NRXN3: variants seen among roughly 807,000 people sequenced by gnomAD.
NRXN3 encodes neurexin 3.
A neutral mutation model predicts 137.6 loss-of-function variants in NRXN3; 32 were observed. The observed-to-expected ratio is 0.23, with a 90% CI of 0.18 to 0.31. The LOEUF (loss-of-function observed/expected upper bound fraction) is 0.31. Ranked by LOEUF, NRXN3 falls within the 10% of genes least tolerant of loss-of-function variation. The pLI, the probability that NRXN3 is intolerant of heterozygous loss-of-function variation, is 1.00. For synonymous variants in NRXN3, 798 were observed against 784.5 expected, an observed-to-expected ratio of 1.02 and a Z score of -0.29; for missense variants, 1,574 against 2,062.5, an observed-to-expected ratio of 0.76 and a Z score of 4.59.
chr14:78,740,739 A>C (rs1328379320), intron 8 of NRXN3, among the ~76,000 whole-genome samples: 1 of 152,084 alleles, frequency 6.6e-6, no homozygotes, highest in Non-Finnish European at 1.5e-5. Context: ...TACACAGCTC[A>C]ATCTTATAAA....
chr14:78,445,980 T>C (rs1047122241), intron 4 of NRXN3, among the ~76,000 whole-genome samples: 3 of 152,074 alleles, frequency 2.0e-5, no homozygotes, highest in Non-Finnish European at 4.4e-5. Flanking sequence ...AAAGTGTGAG[T>C]GGCAGGCAAG....
At chr14:78,441,356 A>AT (rs2153696575) in intron 4 of NRXN3, among the ~76,000 whole-genome samples, 1 of 151,940 alleles carries the variant, frequency 6.6e-6, no homozygotes, top group Admixed American at 6.6e-5. Flanking sequence ...CTTCATCAGA[A>AT]TTTTCTTCCC....
intron 1 of NRXN3, among the ~76,000 whole-genome samples, chr14:78,202,051 A>G (rs2061732359): frequency 6.6e-6 from 1 of 152,192 alleles, no homozygotes; most frequent in African/African-American, 2.4e-5. Context: ...GCAGCCCAGA[A>G]TGAAAGCAGT....
intron 4 of NRXN3, among the ~76,000 whole-genome samples, chr14:78,595,572 C>T (rs1188034343): frequency 1.3e-5 from 2 of 152,168 alleles, no homozygotes; most frequent in Non-Finnish European, 2.9e-5. Context: ...TCCTCCAAAT[C>T]ACACTGGCTA....
intron 4 of NRXN3, among the ~76,000 whole-genome samples, chr14:78,438,362 C>G (rs1366068437): frequency 3.9e-5 from 6 of 152,132 alleles, no homozygotes; most frequent in Non-Finnish European, 5.9e-5. Context: ...CCTGTCAACA[C>G]TAGGGGTGGT....
At chr14:79,069,005 G>A (rs1010509879) in intron 15 of NRXN3, among the ~76,000 whole-genome samples, 4 of 152,046 alleles carry the variant, frequency 2.6e-5, no homozygotes, top group Admixed American at 6.6e-5. Flanking sequence ...TTGTATTCTA[G>A]GGATTATAAC....
intron 15 of NRXN3, among the ~76,000 whole-genome samples, chr14:79,225,615 T>C (rs1024848405): frequency 5.3e-5 from 8 of 152,268 alleles, no homozygotes; most frequent in African/African-American, 1.9e-4. Flanking sequence ...CTAAAACTAG[T>C]GCAACACTTT....
rs115957474 is a variant in NRXN3 at position 78,503,175 on chromosome 14, A to G, written c.758-141945A>G. On this transcript the variant is annotated intron_variant, in intron 4 of 20. Coordinates refer to ENST00000335750, the MANE Select transcript of NRXN3 (RefSeq NM_001330195.2). ...TTTAGTTAGTAGCAAATCCTGGCAC[A>G]TTAGCATAATACCTAAGGGCAAAAT... 5.9e-3 allele frequency among the ~76,000 whole-genome samples: 901 copies of G among 152,324 alleles called. 5 individuals carry two copies. The highest frequency in any genetic ancestry group is 0.02 in the African/African-American group (831 of 41,588).
chr14:79,178,567 C>T (rs1332227368), intron 15 of NRXN3, among the ~76,000 whole-genome samples: 3 of 152,068 alleles, frequency 2.0e-5, no homozygotes, highest in African/African-American at 7.2e-5. Flanking sequence ...TAATTTATTG[C>T]TAGTTTTTAC....
In NRXN3 at chr14:78,253,508, T is replaced by C. The variant is rs374552587; in HGVS notation, c.709+9706T>C. ...GGGCAACATAGCGAGACATCATCTGTACAAATAATTAAAAAAATTAGCCAG... is the reference window on the plus strand; with the variant it reads ...GGGCAACATAGCGAGACATCATCTGCACAAATAATTAAAAAAATTAGCCAG... On this transcript the variant is annotated intron_variant, in intron 2 of 20. Transcript: ENST00000335750. Among the ~76,000 whole-genome samples the C allele has an allele frequency of 9.7e-4, 148 of 152,050 alleles. 1 individual carries two copies. Among genetic ancestry groups the C allele is most frequent in the African/African-American group, 3.5e-3 (145 of 41,476 alleles).
At chr14:79,803,240 C>G (rs559132389) in intron 19 of NRXN3, among the ~76,000 whole-genome samples, 6 of 151,972 alleles carry the variant, frequency 3.9e-5, no homozygotes, top group African/African-American at 1.4e-4. Context: ...CCTAGGATGT[C>G]TATTTAAAAA....
intron 20 of NRXN3, among the ~76,000 whole-genome samples, chr14:79,808,251 A>ATATATAT (rs1195356128): frequency 1.9e-4 from 26 of 133,762 alleles, no homozygotes; most frequent in African/African-American, 7.7e-4. Context: ...AAAAAAAAAA[A>ATATATAT]AAAAATATAT....
rs370671870 is a variant in NRXN3 at position 79,435,864 on chromosome 14, A to T, written c.3263-31357A>T. ...GCCCAGGCTGGTCTCAAACTCTCGG[A>T]CTGAAGGGATCCTCACACCTCGGCC... On this transcript the variant is annotated intron_variant, in intron 15 of 20. Transcript: ENST00000335750. Among the ~76,000 whole-genome samples the T allele has an allele frequency of 2.0e-5, 3 of 152,132 alleles. No homozygotes were observed. The South Asian group carries it at 6.2e-4, about 32-fold the overall frequency.
At chr14:78,587,940 T>G (rs934118689) in intron 4 of NRXN3, among the ~76,000 whole-genome samples, 9 of 152,208 alleles carry the variant, frequency 5.9e-5, no homozygotes, top group Non-Finnish European at 1.2e-4. Context: ...ATATCCAGTA[T>G]TATCCCCATC....
At chr14:78,302,162 T>A (rs1367219175) in intron 4 of NRXN3, among the ~76,000 whole-genome samples, 1 of 152,188 alleles carries the variant, frequency 6.6e-6, no homozygotes, top group African/African-American at 2.4e-5. Flanking sequence ...TACATTAGAT[T>A]CAGTCTCTGT....
rs139758758 is a variant in NRXN3 at position 78,316,626 on chromosome 14, C to T, written c.757+18766C>T. Among the ~76,000 whole-genome samples, 914 of 152,266 alleles carry T rather than the reference C, an allele frequency of 6.0e-3. 10 individuals are homozygous for T. Among genetic ancestry groups the T allele is most frequent in the African/African-American group, 0.02 (812 of 41,532 alleles). On this transcript the variant is annotated intron_variant, in intron 4 of 20. Coordinates refer to ENST00000335750, the MANE Select transcript of NRXN3 (RefSeq NM_001330195.2). ...ATTTTGGTGAGACATTCCCTTTCTTCCCAGCAGAGAATGATTTATTTATTT... is the reference window on the plus strand; with the variant it reads ...ATTTTGGTGAGACATTCCCTTTCTTTCCAGCAGAGAATGATTTATTTATTT...
chr14:79,614,387 T>C (rs57933536), intron 16 of NRXN3, among the ~76,000 whole-genome samples: 1 of 73,282 alleles, frequency 1.4e-5, no homozygotes, highest in South Asian at 3.5e-4. Flanking sequence ...TTCATGAACT[T>C]TTTTTTTTCC....
chr14:79,135,460 T>C (rs535687844), intron 15 of NRXN3, among the ~76,000 whole-genome samples: 1 of 152,268 alleles, frequency 6.6e-6, no homozygotes, highest in Admixed American at 6.5e-5. Context: ...CCAACAGTGG[T>C]CCTACTATCC....
chr14:79,698,439 GT>G (rs1282738611), intron 19 of NRXN3, among the ~76,000 whole-genome samples: 1 of 151,984 alleles, frequency 6.6e-6, no homozygotes, highest in Non-Finnish European at 1.5e-5. Flanking sequence ...GTAAAATGCA[GT>G]CTTTATGTTT....
Sources: allele counts gnomAD v4.1 joint callset (sites outside exome capture counted in the v4.1 genomes callset), GRCh38; gene constraint gnomAD v4.1.1; transcripts MANE v1.5; gene names NCBI Gene and HGNC (gene_info 2026-07-23, HGNC 2026-07-21).